MSL2: variants seen among roughly 807,000 people sequenced by gnomAD.
MSL2 encodes the protein MSL complex subunit 2.
Under a neutral mutation model 35.8 loss-of-function variants are expected in MSL2, and 2 were observed. That is an observed-to-expected ratio of 0.06 (90% CI 0.02 to 0.18). The LOEUF is 0.18. Ranked by LOEUF, MSL2 falls within the 10% of genes least tolerant of loss-of-function variation. MSL2 has a pLI of 1.00. For missense variants in MSL2, 523 were observed against 706.7 expected (o/e 0.74, Z 2.95); for synonymous variants, 296 against 255.7 (o/e 1.16, Z -1.50).
At chr3:136,184,618 CA>C (rs894418973) in intron 1 of MSL2, among the ~76,000 whole-genome samples, 3 of 150,866 alleles carry the variant, frequency 2.0e-5, no homozygotes, top group Non-Finnish European at 3.0e-5. Context: ...AACAAACAAA[CA>C]AAAAAAAGAA....
intron 1 of MSL2, among the ~76,000 whole-genome samples, chr3:136,181,687 G>C (rs1940367853): frequency 6.6e-6 from 1 of 152,122 alleles, no homozygotes; most frequent in African/African-American, 2.4e-5. Flanking sequence ...GGGAGGCTGA[G>C]GCAGGTGGAT....
At chr3:136,173,763 G>A (rs558575350) in intron 1 of MSL2, among the ~76,000 whole-genome samples, 5 of 152,026 alleles carry the variant, frequency 3.3e-5, no homozygotes, top group Admixed American at 6.6e-5. Flanking sequence ...CCCTTGAAGC[G>A]AACTTTAAAA....
chr3:136,167,923 G>A (rs753686998), intron 1 of MSL2, among the ~76,000 whole-genome samples: 21 of 152,112 alleles, frequency 1.4e-4, no homozygotes, highest in Non-Finnish European at 2.8e-4. Flanking sequence ...ACAAAAGACA[G>A]GAAACAGTTT....
At chr3:136,182,112 A>G (rs139767727) in intron 1 of MSL2, among the ~76,000 whole-genome samples, 44 of 152,292 alleles carry the variant, frequency 2.9e-4, no homozygotes, top group African/African-American at 1.0e-3. Context: ...ACACTGTCCA[A>G]CAGAACTTTA....
intron 1 of MSL2, chr3:136,156,141 GTCT>G (rs1939514016): frequency 5.6e-6 from 1 of 178,586 alleles, no homozygotes; most frequent in South Asian, 1.2e-4. Context: ...TTCTACCAAG[GTCT>G]TCTTAATATG....
intron 1 of MSL2, among the ~76,000 whole-genome samples, chr3:136,183,377 A>T (rs1940423419): frequency 6.6e-6 from 1 of 152,178 alleles, no homozygotes; most frequent in South Asian, 2.1e-4. Context: ...TCTGGGAAAC[A>T]CAGGGAGGCC....
At chr3:136,157,967 T>C (rs1939581051) in intron 1 of MSL2, among the ~76,000 whole-genome samples, 1 of 152,158 alleles carries the variant, frequency 6.6e-6, no homozygotes, top group South Asian at 2.1e-4. Flanking sequence ...TCCCAACTCA[T>C]ATTTAAAGGC....
At chr3:136,182,616 A>G (rs1199758163) in intron 1 of MSL2, among the ~76,000 whole-genome samples, 2 of 152,018 alleles carry the variant, frequency 1.3e-5, no homozygotes, top group Admixed American at 6.6e-5. Flanking sequence ...AGGCAGCTGG[A>G]CTTGTCAGAG....
intron 1 of MSL2, among the ~76,000 whole-genome samples, chr3:136,177,587 G>A (rs565008045): frequency 6.2e-4 from 93 of 150,986 alleles, no homozygotes; most frequent in African/African-American, 2.2e-3. Flanking sequence ...GCTGAGGCAG[G>A]AGAATGGCAT....
At chr3:136,169,775 A>G (rs953609034) in intron 1 of MSL2, among the ~76,000 whole-genome samples, 4 of 151,976 alleles carry the variant, frequency 2.6e-5, no homozygotes, top group African/African-American at 9.7e-5. Context: ...GAAATATACA[A>G]TAAATCATGG....
At chr3:136,155,646 G>C (rs925618753) in intron 1 of MSL2, 1 of 408,394 alleles carries the variant, frequency 2.4e-6, no homozygotes, top group Non-Finnish European at 5.0e-6. Flanking sequence ...GCCGCCCATG[G>C]GGATACAGGA....
At chr3:136,179,927 G>T (rs1262012787) in intron 1 of MSL2, among the ~76,000 whole-genome samples, 2 of 152,096 alleles carry the variant, frequency 1.3e-5, no homozygotes, top group Admixed American at 6.6e-5. Context: ...CTAGCCAGGC[G>T]TGGTGGCGGG....
In MSL2 at chr3:136,165,868, G is replaced by A. The variant is rs189366746; in HGVS notation, c.143-13130C>T. On this transcript the variant is annotated intron_variant, in intron 1 of 1. Transcript: ENST00000309993. Reference sequence around the variant, plus strand: ...CTAATAATTGTAAATTTAAAGTTAAGAGTATAATGGGATAACTAAAAGAGT... The same window carrying A: ...CTAATAATTGTAAATTTAAAGTTAAAAGTATAATGGGATAACTAAAAGAGT... Among the ~76,000 whole-genome samples the A allele has an allele frequency of 6.4e-3, 941 of 146,600 alleles. 13 individuals are homozygous for A. Among genetic ancestry groups the A allele is most frequent in the African/African-American group, 0.022 (892 of 39,798 alleles).
intron 1 of MSL2, chr3:136,152,944 T>C: frequency 2.0e-6 from 2 of 985,438 alleles, no homozygotes; most frequent in Non-Finnish European, 2.4e-6. Flanking sequence ...TTCAGTTATC[T>C]CAAACCAAAA....
At chr3:136,164,625 C>CTA (rs1939790001) in intron 1 of MSL2, among the ~76,000 whole-genome samples, 1 of 152,060 alleles carries the variant, frequency 6.6e-6, no homozygotes, top group South Asian at 2.1e-4. Flanking sequence ...AACTATGTCT[C>CTA]TAAGAAACCC....
intron 1 of MSL2, among the ~76,000 whole-genome samples, chr3:136,174,854 T>A (rs911643473): frequency 2.0e-5 from 3 of 152,200 alleles, no homozygotes; most frequent in African/African-American, 7.2e-5. Context: ...ATATTAAATG[T>A]GTATGCATAA....
intron 1 of MSL2, among the ~76,000 whole-genome samples, chr3:136,186,183 C>T (rs1478565799): frequency 6.6e-6 from 1 of 152,122 alleles, no homozygotes; most frequent in Non-Finnish European, 1.5e-5. Flanking sequence ...CCTTTTGACT[C>T]CTTCAATTTT....
chr3:136,191,699 G>A lies in MSL2; in HGVS notation c.142+3273C>T, dbSNP rs150612222. 9.2e-3 allele frequency among the ~76,000 whole-genome samples: 1,405 copies of A among 152,226 alleles called. 10 individuals are homozygous for A. The highest frequency in any genetic ancestry group is 0.017 in the Non-Finnish European group (1,123 of 68,026). ...GAGGTGGAAGGACTGCATGAATCCA[G>A]GAGTTTAAGGCTGCAGTGAGCTAGG... On this transcript the variant is annotated intron_variant, in intron 1 of 1. Coordinates refer to ENST00000309993, the MANE Select transcript of MSL2 (RefSeq NM_018133.4).
intron 1 of MSL2, among the ~76,000 whole-genome samples, chr3:136,176,721 C>G (rs1940192545): frequency 6.6e-6 from 1 of 151,938 alleles, no homozygotes; most frequent in Non-Finnish European, 1.5e-5. Flanking sequence ...CTCTCTCTTG[C>G]TCCTTCTTTC....
Sources: allele counts gnomAD v4.1 joint callset (sites outside exome capture counted in the v4.1 genomes callset), GRCh38; gene constraint gnomAD v4.1.1; transcripts MANE v1.5; gene names NCBI Gene and HGNC (gene_info 2026-07-23, HGNC 2026-07-21).